KIAA1671: variants seen among roughly 807,000 people sequenced by gnomAD.
KIAA1671 encodes the protein KIAA1671.
A neutral mutation model predicts 131.2 loss-of-function variants in KIAA1671; 52 were observed. That is an observed-to-expected ratio of 0.40 (90% CI 0.32 to 0.50). The LOEUF is 0.50. Ranked by LOEUF, KIAA1671 falls within the 20% of genes least tolerant of loss-of-function variation. KIAA1671 has a pLI of 0.73. For synonymous variants in KIAA1671, 1,003 were observed against 961.6 expected (o/e 1.04, Z -0.80); for missense variants, 2,360 against 2,364.2 (o/e 1.00, Z 0.04).
intron 6 of KIAA1671, among the ~76,000 whole-genome samples, chr22:25,119,924 G>A (rs1167484877): frequency 6.6e-6 from 1 of 152,224 alleles, no homozygotes; most frequent in African/African-American, 2.4e-5. Flanking sequence ...GCCAGGGAGG[G>A]GGATTCTGAT....
rs1934287417 is a variant in KIAA1671 at position 25,181,837 on chromosome 22, C to A, written c.5199+14C>A. On this transcript the variant is annotated intron_variant, in intron 10 of 12. Transcript: ENST00000358431. ...GCAGTGCTAAAGGTACCAGACCTCT[C>A]ACCAAGAGTCACCTGGTGGGCATGA... is the stretch of plus-strand genomic sequence containing the variant. 1.3e-6 allele frequency: 2 copies of A among 1,549,408 alleles called. No individual in the cohort carries two copies. Among genetic ancestry groups the A allele is most frequent in the African/African-American group, 1.4e-5 (1 of 73,000 alleles).
intron 8 of KIAA1671, chr22:25,176,591 C>T (rs1039162462): frequency 6.6e-6 from 1 of 152,212 alleles, no homozygotes; most frequent in African/African-American, 2.4e-5. Flanking sequence ...AAGCTCATTG[C>T]CCAAGGTCAC....
intron 1 of KIAA1671, among the ~76,000 whole-genome samples, chr22:24,994,106 C>T (rs1923983502): frequency 6.6e-6 from 1 of 152,050 alleles, no homozygotes; most frequent in Non-Finnish European, 1.5e-5. Flanking sequence ...AAAAATTCAG[C>T]AAGTGCAAGT....
chr22:25,085,803 G>A (rs62233186), intron 6 of KIAA1671, among the ~76,000 whole-genome samples: 46,948 of 124,658 alleles, frequency 0.38, 8,496 homozygotes, highest in Middle Eastern at 0.45. Flanking sequence ...GGGAGGGAGG[G>A]AGGGAGGAAG....
chr22:25,093,980 T>C (rs1347615472), intron 6 of KIAA1671, among the ~76,000 whole-genome samples: 1 of 151,108 alleles, frequency 6.6e-6, no homozygotes, highest in Non-Finnish European at 1.5e-5. Flanking sequence ...ACTTCTCACT[T>C]TGGGTTAAAG....
chr22:25,098,363 C>T (rs899465180), intron 6 of KIAA1671, among the ~76,000 whole-genome samples: 12 of 152,084 alleles, frequency 7.9e-5, no homozygotes, highest in Admixed American at 2.6e-4. Flanking sequence ...AAAGACTTAC[C>T]GAATGCCTCC....
chr22:25,097,402 T>C (rs1161749844), intron 6 of KIAA1671, among the ~76,000 whole-genome samples: 2 of 152,186 alleles, frequency 1.3e-5, no homozygotes, highest in Non-Finnish European at 2.9e-5. Context: ...TAGTATGGGG[T>C]TCGGCAAACT....
In KIAA1671 at chr22:25,014,804, C is replaced by T. The variant is rs182518982; in HGVS notation, c.-207-10829C>T. The T allele has an allele frequency of 7.9e-5, 12 of 152,258 alleles. No individual in the cohort carries two copies. The East Asian group carries it at 1.5e-3, about 20-fold the overall frequency. The allele number at this position is 152,258 out of a possible 1,614,324, so 9.4% of individuals were successfully genotyped here. On this transcript the variant is annotated intron_variant, in intron 1 of 12. Transcript: ENST00000358431. ...AGAAGTCTAGTGGAGGGGTGAGGCT[C>T]AGCCAGAATACTGTAAGAGCTTTGG... is the stretch of plus-strand genomic sequence containing the variant.
At chr22:25,184,335 C>A (rs1275766733) in intron 10 of KIAA1671, among the ~76,000 whole-genome samples, 1 of 152,210 alleles carries the variant, frequency 6.6e-6, no homozygotes, top group African/African-American at 2.4e-5. Flanking sequence ...TGTCATATTT[C>A]TTGAGCCTGG....
intron 5 of KIAA1671, among the ~76,000 whole-genome samples, chr22:25,046,431 CATCCCTTCCTCTCTTT>C (rs987985129): frequency 1.3e-5 from 2 of 151,970 alleles, no homozygotes; most frequent in African/African-American, 4.8e-5. Flanking sequence ...TTCCTCTCTC[CATCCCTTCCTCTCTTT>C]TTCTCTGTTC....
chr22:24,988,073 C>T (rs1457745243), intron 1 of KIAA1671, among the ~76,000 whole-genome samples: 1 of 151,316 alleles, frequency 6.6e-6, no homozygotes, highest in African/African-American at 2.5e-5. Context: ...GTCAAGAGTT[C>T]GAGACCAGCT....
chr22:25,093,844 C>CTCTCTG, intron 6 of KIAA1671, among the ~76,000 whole-genome samples: 1 of 90,616 alleles, frequency 1.1e-5, no homozygotes, highest in South Asian at 4.5e-4. Flanking sequence ...GTCTGTCTCT[C>CTCTCTG]TCTCTCTCTC....
chr22:24,963,082 C>T lies in KIAA1671; in HGVS notation c.-208+10310C>T, dbSNP rs541874484. On this transcript the variant is annotated intron_variant, in intron 1 of 12. Transcript: ENST00000358431. ...ACGGTTAGAGGCCACTCACTCTCTC[C>T]TTCAGTTGGGCATCTCTCCATAAAA... is the stretch of plus-strand genomic sequence containing the variant. Among the ~76,000 whole-genome samples, 3 of 152,232 alleles carry T rather than the reference C, an allele frequency of 2.0e-5. No homozygotes were observed. The South Asian group carries it at 6.2e-4, about 32-fold the overall frequency.
At chr22:25,027,006 A>G (rs1882865871) in intron 2 of KIAA1671, among the ~76,000 whole-genome samples, 2 of 152,160 alleles carry the variant, frequency 1.3e-5, no homozygotes, top group Non-Finnish European at 2.9e-5. Flanking sequence ...TACCCACTAA[A>G]TAGGGTTGTG....
intron 6 of KIAA1671, among the ~76,000 whole-genome samples, chr22:25,162,566 C>CA (rs1933482649): frequency 6.6e-6 from 1 of 152,192 alleles, no homozygotes; most frequent in Non-Finnish European, 1.5e-5. Flanking sequence ...TTACTCACTG[C>CA]AAAAATATTA....
chr22:25,093,794 C>CTCTCTCTCTCTT (rs1930219900), intron 6 of KIAA1671, among the ~76,000 whole-genome samples: 1 of 129,482 alleles, frequency 7.7e-6, no homozygotes, highest in African/African-American at 3.5e-5. Flanking sequence ...CTCTCTCTCT[C>CTCTCTCTCTCTT]TCTCTCTCTC....
chr22:25,048,945 A>G, intron 5 of KIAA1671: 1 of 375,492 alleles, frequency 2.7e-6, no homozygotes. Flanking sequence ...AGCGCCTAGA[A>G]GCTGGGTGCT....
At chr22:25,092,708 C>A (rs916804758) in intron 6 of KIAA1671, among the ~76,000 whole-genome samples, 1 of 152,164 alleles carries the variant, frequency 6.6e-6, no homozygotes, top group African/African-American at 2.4e-5. Context: ...ATTGGAAGAT[C>A]TGGGGAGAAG....
chr22:25,049,402 G>A (rs1569216357), intron 6 of KIAA1671, 38 bp downstream of exon 6: 4 of 1,534,880 alleles, frequency 2.6e-6, no homozygotes, highest in Non-Finnish European at 3.5e-6. Flanking sequence ...ATTGCACAGG[G>A]GTGCTGGTTG....
Sources: allele counts gnomAD v4.1 joint callset (sites outside exome capture counted in the v4.1 genomes callset), GRCh38; gene constraint gnomAD v4.1.1; transcripts MANE v1.5; gene names NCBI Gene and HGNC (gene_info 2026-07-23, HGNC 2026-07-21).